NPIPA8: variants seen among roughly 807,000 people sequenced by gnomAD.
The protein encoded by NPIPA8 is nuclear pore complex-interacting protein family member A8.
In NPIPA8, 1 loss-of-function variant was observed where a neutral mutation model predicts 7.1. The ratio of observed to expected loss-of-function variants is 0.14; its 90% CI spans 0.05 to 0.66. The LOEUF is 0.66. NPIPA8 is among the 30% of genes least tolerant of loss of function. The pLI, the probability that NPIPA8 is intolerant of heterozygous loss-of-function variation, is 0.84.
At chr16:18,325,168 A>G (rs1900106487) in intron 2 of NPIPA8, among the ~76,000 whole-genome samples, 1 of 77,468 alleles carries the variant, frequency 1.3e-5, no homozygotes, top group African/African-American at 5.4e-5. Context: ...CAGGTGCTGT[A>G]GCTCACGCCT....
intron 2 of NPIPA8, among the ~76,000 whole-genome samples, chr16:18,325,498 C>T (rs1217176587): frequency 4.4e-4 from 1 of 2,272 alleles, no homozygotes; most frequent in Non-Finnish European, 1.2e-3. Context: ...CACTTCAACA[C>T]GGTTAGATGG....
chr16:18,336,325 G>C (rs367830120), upstream of NPIPA8, among the ~76,000 whole-genome samples: 1 of 91,050 alleles, frequency 1.1e-5, no homozygotes, highest in Non-Finnish European at 2.1e-5. Context: ...TTTTCTTCTG[G>C]AGTGCATTTC....
chr16:18,336,097 C>G (rs1244286053), upstream of NPIPA8, among the ~76,000 whole-genome samples: 1 of 148,702 alleles, frequency 6.7e-6, no homozygotes, highest in Non-Finnish European at 1.5e-5. Flanking sequence ...GTTGGGATTA[C>G]AGGCGTGAGC....
chr16:18,323,847 A>AAAAAAAAAAAAAAAAAAAG lies in NPIPA8; in HGVS notation c.437+243_437+244insCTTTTTTTTTTTTTTTTTT, dbSNP rs750129798. ...AAAAAAAAAAAAAAAAAAAAAAAAA[A>AAAAAAAAAAAAAAAAAAAG]AGAGAAAGGAAAACCAATGCCAGTA... On this transcript the variant is annotated intron_variant, in intron 4 of 7. Coordinates refer to ENST00000541810, the Ensembl canonical transcript of NPIPA8. 9.5e-4 allele frequency among the ~76,000 whole-genome samples: 87 copies of AAAAAAAAAAAAAAAAAAAG among 91,618 alleles called. 9 individuals carry two copies. The highest frequency in any genetic ancestry group is 2.8e-3 in the East Asian group (8 of 2,852). The allele number at this position is 91,618 out of a possible 152,430, so 60.1% of individuals were successfully genotyped here. A position where few individuals can be genotyped will look rare whatever the true frequency, so the allele number is the denominator to read the frequency against.
intron 4 of NPIPA8, among the ~76,000 whole-genome samples, chr16:18,323,341 T>C: frequency 8.8e-5 from 1 of 11,356 alleles, no homozygotes; most frequent in Non-Finnish European, 1.5e-4. Context: ...AGACTCCGTC[T>C]CAAAAAAAAA....
chr16:18,325,069 G>A (rs1900102157), intron 2 of NPIPA8, among the ~76,000 whole-genome samples: 1 of 69,108 alleles, frequency 1.4e-5, no homozygotes, highest in Admixed American at 1.6e-4. Flanking sequence ...AGCAGGAAAA[G>A]GTTGTGGTGA....
upstream of NPIPA8, among the ~76,000 whole-genome samples, chr16:18,335,890 G>C (rs1358546015): frequency 1.0e-4 from 14 of 140,110 alleles, no homozygotes; most frequent in African/African-American, 3.6e-4. Context: ...GCGCAATCTC[G>C]GCTCACTGCA....
chr16:18,323,847 A>AG lies in NPIPA8; in HGVS notation c.437+243_437+244insC, dbSNP rs1555461893. Among the ~76,000 whole-genome samples the AG allele has an allele frequency of 1.1e-3, 98 of 91,626 alleles. 13 individuals carry two copies. The highest frequency in any genetic ancestry group is 2.9e-3 in the African/African-American group (76 of 26,568). The allele number at this position is 91,626 out of a possible 152,430, so 60.1% of individuals were successfully genotyped here. A position where few individuals can be genotyped will look rare whatever the true frequency, so the allele number is the denominator to read the frequency against. ...AAAAAAAAAAAAAAAAAAAAAAAAA[A>AG]AGAGAAAGGAAAACCAATGCCAGTA... is the stretch of plus-strand genomic sequence containing the variant. On this transcript the variant is annotated intron_variant, in intron 4 of 7. Transcript: ENST00000541810.
Position 18,325,070 on chromosome 16 carries a change from G to A in NPIPA8, c.193-572C>T, listed in dbSNP as rs867098257. ...AATCACTTGAATCCAGCAGGAAAAG[G>A]TTGTGGTGAGCTGAGATTGTGCCAT... is the stretch of plus-strand genomic sequence containing the variant. On this transcript the variant is annotated intron_variant, in intron 2 of 7. Coordinates refer to ENST00000541810, the Ensembl canonical transcript of NPIPA8. 4.7e-4 allele frequency among the ~76,000 whole-genome samples: 32 copies of A among 67,740 alleles called. 5 individuals carry two copies. Among genetic ancestry groups the A allele is most frequent in the South Asian group, 3.5e-3 (7 of 1,992 alleles). The allele number at this position is 67,740 out of a possible 152,430, so 44.4% of individuals were successfully genotyped here. A position where few individuals can be genotyped will look rare whatever the true frequency, so the allele number is the denominator to read the frequency against.
chr16:18,323,847 A>AAAAAAAAAAAGAG (rs750129798), intron 4 of NPIPA8, among the ~76,000 whole-genome samples: 3 of 91,596 alleles, frequency 3.3e-5, no homozygotes, highest in African/African-American at 7.5e-5. Context: ...AAAAAAAAAA[A>AAAAAAAAAAAGAG]AGAGAAAGGA....
At chr16:18,325,231 T>C (rs1237591053) in intron 2 of NPIPA8, among the ~76,000 whole-genome samples, 2 of 51,548 alleles carry the variant, frequency 3.9e-5, no homozygotes, top group African/African-American at 9.1e-5. Context: ...GGTCAAGAGA[T>C]GGAGATCATC....
At position 18,323,358 on chromosome 16, in the gene NPIPA8, A is replaced by G; in HGVS notation, c.437+733T>C. Among the ~76,000 whole-genome samples the G allele has an allele frequency of 1.2e-4, 2 of 16,832 alleles. 1 individual carries two copies. The highest frequency in any genetic ancestry group is 2.1e-4 in the Non-Finnish European group (2 of 9,554). The allele number at this position is 16,832 out of a possible 152,430, so 11.0% of individuals were successfully genotyped here. A position where few individuals can be genotyped will look rare whatever the true frequency, so the allele number is the denominator to read the frequency against. Reference sequence around the variant, plus strand: ...ACTCCGTCTCAAAAAAAAAAAAAAAAAAAAAAAATTGGCCGAATGTGGCGG... The same window carrying G: ...ACTCCGTCTCAAAAAAAAAAAAAAAGAAAAAAAATTGGCCGAATGTGGCGG... On this transcript the variant is annotated intron_variant, in intron 4 of 7. Transcript: ENST00000541810.
upstream of NPIPA8, among the ~76,000 whole-genome samples, chr16:18,335,946 G>A (rs1443213041): frequency 1.5e-4 from 23 of 150,366 alleles, no homozygotes; most frequent in Admixed American, 6.6e-4. Context: ...TCAGCCTCTC[G>A]AGTAGCTGGG....
upstream of NPIPA8, among the ~76,000 whole-genome samples, chr16:18,335,728 A>T (rs1299211249): frequency 2.4e-5 from 3 of 127,288 alleles, no homozygotes; most frequent in Middle Eastern, 3.3e-3. Flanking sequence ...ATTCTTGGAA[A>T]GAGTCTGTGA....
Position 18,324,948 on chromosome 16 carries a change from A to C in NPIPA8, c.193-450T>G, listed in dbSNP as rs1216934740. ...TCGGGAGTTTGAGACCAGCCTCACC[A>C]ACATGGAGAAACGCTGTCTCTGCTA... On this transcript the variant is annotated intron_variant, in intron 2 of 7. Coordinates refer to ENST00000541810, the Ensembl canonical transcript of NPIPA8. Among the ~76,000 whole-genome samples the C allele has an allele frequency of 2.4e-5, 2 of 81,740 alleles. 1 individual carries two copies. The highest frequency in any genetic ancestry group is 4.7e-5 in the Non-Finnish European group (2 of 42,998). The allele number at this position is 81,740 out of a possible 152,430, so 53.6% of individuals were successfully genotyped here.
upstream of NPIPA8, among the ~76,000 whole-genome samples, chr16:18,336,041 C>T (rs1450013283): frequency 9.2e-5 from 14 of 151,684 alleles, no homozygotes; most frequent in African/African-American, 2.7e-4. Flanking sequence ...AGGCTGGTCT[C>T]GAACTCCTGA....
At chr16:18,336,095 T>C (rs1191637313), upstream of NPIPA8, among the ~76,000 whole-genome samples, 10 of 149,062 alleles carry the variant, frequency 6.7e-5, no homozygotes, top group African/African-American at 2.5e-4. Flanking sequence ...GTGTTGGGAT[T>C]ACAGGCGTGA....
rs548865583 is a variant in NPIPA8 at position 18,324,921 on chromosome 16, G to C, written c.193-423C>G. ...AGGCCGAGGCAGGCGGATAACCTGA[G>C]GTCGGGAGTTTGAGACCAGCCTCAC... On this transcript the variant is annotated intron_variant, in intron 2 of 7. Transcript: ENST00000541810. 1.2e-4 allele frequency among the ~76,000 whole-genome samples: 10 copies of C among 86,310 alleles called. 3 individuals carry two copies. The South Asian group carries it at 2.6e-3, about 22-fold the overall frequency. The allele number at this position is 86,310 out of a possible 152,430, so 56.6% of individuals were successfully genotyped here.
chr16:18,323,847 A>G (rs202022124), intron 4 of NPIPA8, among the ~76,000 whole-genome samples: 27,437 of 88,970 alleles, frequency 0.31, 4,687 homozygotes, highest in African/African-American at 0.44. Context: ...AAAAAAAAAA[A>G]AGAGAAAGGA....
Sources: allele counts gnomAD v4.1 joint callset (sites outside exome capture counted in the v4.1 genomes callset), GRCh38; gene constraint gnomAD v4.1.1; transcripts MANE v1.5; gene names NCBI Gene and HGNC (gene_info 2026-07-23, HGNC 2026-07-21).